The following CDCA4 variants were observed in gnomAD, a reference collection of about 807,000 sequenced individuals.
CDCA4 encodes cell division cycle-associated protein 4.
For missense variants in CDCA4, 294 were observed against 322.1 expected (o/e 0.91, Z 0.67); for synonymous variants, 130 against 137.0 (o/e 0.95, Z 0.36).
Position 105,011,245 on chromosome 14 carries a change from C to G in CDCA4, c.685G>C (p.Gly229Arg), listed in dbSNP as rs150451694. The G allele has an allele frequency of 1.0e-3, 1,618 of 1,613,176 alleles. No homozygotes were observed. The highest frequency in any genetic ancestry group is 1.2e-3 in the Non-Finnish European group (1,443 of 1,179,736). Residue 229 changes from glycine to arginine, a missense_variant, in exon 2 of 2, where the codon GGC becomes CGC. By Grantham distance (125) the Gly-to-Arg change is moderately radical. Transcript: ENST00000336219. ...ATCTCCACCACGTGGTCCAGCTCGC[C>G]CAGGTCGGACTTGCAGCTGGAGCTA... ...GPSSSCKSDL[G>R]ELDHVVEILV...
Position 105,011,553 on chromosome 14 carries a change from A to G in CDCA4, c.377T>C (p.Val126Ala). ...GLGDGHTQGPVSDLCPVTSAQ... is the reference protein window; with the variant it reads ...GLGDGHTQGPASDLCPVTSAQ... ...TGAGGTGACTGGGCAAAGGTCAGAA[A>G]CTGGACCCTGTGTGTGGCCGTCCCC... Residue 126 changes from valine (V) to alanine (A), a missense_variant, in exon 2 of 2, where the codon GTT becomes GCT. By Grantham distance (64) the Val-to-Ala change is moderately conservative. Transcript: ENST00000336219. 6.2e-7 allele frequency: 1 copy of G among 1,614,050 alleles called. No individual in the cohort carries two copies. Among genetic ancestry groups the G allele is most frequent in the African/African-American group, 1.3e-5 (1 of 75,038 alleles).
rs1367027173 is a variant in CDCA4 at position 105,010,908 on chromosome 14, C to T, written c.*296G>A. 12 of 414,834 alleles carry T rather than the reference C, an allele frequency of 2.9e-5. No individual in the cohort carries two copies. The highest frequency in any genetic ancestry group is 1.2e-4 in the Admixed American group (3 of 24,864). The allele number at this position is 414,834 out of a possible 1,614,324, so 25.7% of individuals were successfully genotyped here. ...AGGTAAAAGGAGGTTGATGCAGCTG[C>T]GGCTCACCGTCCTCTACAGTGGGGG... is the stretch of plus-strand genomic sequence containing the variant. On this transcript the variant is annotated 3_prime_UTR_variant, in exon 2 of 2. Transcript: ENST00000336219.
intron 1 of CDCA4, among the ~76,000 whole-genome samples, chr14:105,015,750 C>T (rs541739138): frequency 1.3e-3 from 204 of 152,226 alleles, no homozygotes; most frequent in Non-Finnish European, 1.8e-3. Context: ...CCGCAACCTC[C>T]GCCTCCCAGG....
At chr14:105,016,903 G>C (rs1203506724) in intron 1 of CDCA4, among the ~76,000 whole-genome samples, 2 of 152,234 alleles carry the variant, frequency 1.3e-5, no homozygotes, top group Non-Finnish European at 2.9e-5. Context: ...CCCAGCTGAA[G>C]GGAACTTTTT....
chr14:105,016,552 G>C (rs1199667857), intron 1 of CDCA4, among the ~76,000 whole-genome samples: 1 of 152,224 alleles, frequency 6.6e-6, no homozygotes, highest in African/African-American at 2.4e-5. Flanking sequence ...TGCTGGTAAA[G>C]CTTCCTCTTG....
At position 105,010,290 on chromosome 14, in the gene CDCA4, C is replaced by T. The variant is rs1308423332; in HGVS notation, c.*914G>A. 6.6e-6 allele frequency: 1 copy of T among 152,514 alleles called. No individual in the cohort carries two copies. The highest frequency in any genetic ancestry group is 1.5e-5 in the Non-Finnish European group (1 of 68,062). 9.4% of individuals were successfully genotyped at this position (152,514 alleles called of 1,614,324 possible). A position where few individuals can be genotyped will look rare whatever the true frequency, so the allele number is the denominator to read the frequency against. On this transcript the variant is annotated 3_prime_UTR_variant, in exon 2 of 2. Coordinates refer to ENST00000336219, the MANE Select transcript of CDCA4 (RefSeq NM_017955.4). ...TCATCCAGCAGCAATGCTACTTCCT[C>T]ACCCAGGGCAGGTGCATGGGCTGAC...
intron 1 of CDCA4, among the ~76,000 whole-genome samples, chr14:105,020,142 G>A (rs1325834956): frequency 2.6e-5 from 4 of 152,236 alleles, no homozygotes; most frequent in African/African-American, 7.2e-5. Flanking sequence ...TCCTAGAAAA[G>A]GGGTGTAACT....
chr14:105,017,806 GAAC>G (rs1398898382), intron 1 of CDCA4, among the ~76,000 whole-genome samples: 9 of 151,310 alleles, frequency 5.9e-5, no homozygotes, highest in Non-Finnish European at 1.2e-4. Flanking sequence ...ACTACAGCCT[GAAC>G]AACAGAGCGA....
At chr14:105,017,651 G>A (rs1460028036) in intron 1 of CDCA4, among the ~76,000 whole-genome samples, 1 of 151,924 alleles carries the variant, frequency 6.6e-6, no homozygotes, top group Non-Finnish European at 1.5e-5. Flanking sequence ...CCAACACGAT[G>A]AAACCCCATC....
intron 1 of CDCA4, among the ~76,000 whole-genome samples, chr14:105,020,589 C>T (rs1374822939): frequency 6.6e-6 from 1 of 152,218 alleles, no homozygotes; most frequent in Non-Finnish European, 1.5e-5. Context: ...CGGGCTCCGA[C>T]AGAGGGGGCT....
In CDCA4 at chr14:105,011,170, G is replaced by A. The variant is rs7144401; in HGVS notation, c.*34C>T. ...GGAGCCAGTGCTCACGTGTCAATGC[G>A]TCAGAGGCGGCTGTGAGCACTCAGG... On this transcript the variant is annotated 3_prime_UTR_variant, in exon 2 of 2. Transcript: ENST00000336219. 211,665 of 1,570,618 alleles carry A rather than the reference G, an allele frequency of 0.13. 21,149 individuals are homozygous for A. Among genetic ancestry groups the A allele is most frequent in the African/African-American group, 0.51 (37,488 of 74,122 alleles).
intron 1 of CDCA4, among the ~76,000 whole-genome samples, chr14:105,013,211 T>C (rs1900553563): frequency 6.6e-6 from 1 of 152,154 alleles, no homozygotes; most frequent in African/African-American, 2.4e-5. Flanking sequence ...TTTTTTTTTT[T>C]TTTTAACTGA....
chr14:105,020,883 C>T (rs949141906), intron 1 of CDCA4, 116 bp downstream of exon 1: 2 of 152,040 alleles, frequency 1.3e-5, no homozygotes, highest in Admixed American at 6.6e-5. Context: ...GCCTCCGCCC[C>T]GGACCCAGCG....
chr14:105,017,430 G>C (rs1477781327), intron 1 of CDCA4, among the ~76,000 whole-genome samples: 1 of 152,026 alleles, frequency 6.6e-6, no homozygotes, highest in African/African-American at 2.4e-5. Context: ...CGCCATGTTG[G>C]CCAGGCTGGT....
At chr14:105,019,509 T>C (rs1886170043) in intron 1 of CDCA4, among the ~76,000 whole-genome samples, 1 of 152,232 alleles carries the variant, frequency 6.6e-6, no homozygotes, top group Non-Finnish European at 1.5e-5. Context: ...TTGCAGCCAC[T>C]TCAAAGTTTC....
Position 105,011,125 on chromosome 14 carries a change from C to T in CDCA4, c.*79G>A, listed in dbSNP as rs570416062. 1,174 of 1,480,660 alleles carry T rather than the reference C, an allele frequency of 7.9e-4. 4 individuals carry two copies. Among genetic ancestry groups the T allele is most frequent in the South Asian group, 1.6e-3 (118 of 73,034 alleles). The allele number at this position is 1,480,660 out of a possible 1,614,324, so 91.7% of individuals were successfully genotyped here. The stretch of plus-strand genomic sequence containing the variant: ...CAGGGCAGCAAGGCTGGGCCGCTGG[C>T]GGCAGGCGCACCCTCCGTGGGAGCC... On this transcript the variant is annotated 3_prime_UTR_variant, in exon 2 of 2. Transcript: ENST00000336219.
intron 1 of CDCA4, among the ~76,000 whole-genome samples, chr14:105,016,666 C>A (rs1230168447): frequency 6.6e-6 from 1 of 152,186 alleles, no homozygotes; most frequent in Non-Finnish European, 1.5e-5. Flanking sequence ...CCTGCCAGGA[C>A]CAGACACCCT....
Position 105,011,277 on chromosome 14 carries a change from G to C in CDCA4, c.653C>G (p.Pro218Arg), listed in dbSNP as rs756552406. 1.9e-6 allele frequency: 3 copies of C among 1,613,728 alleles called. No homozygotes were observed. Among genetic ancestry groups the C allele is most frequent in the Non-Finnish European group, 2.5e-6 (3 of 1,179,846 alleles). Residue 218 changes from proline to arginine, a missense_variant, in exon 2 of 2, where the codon CCA becomes CGA. Coordinates refer to ENST00000336219, the MANE Select transcript of CDCA4 (RefSeq NM_017955.4). ...GGACTTGCAGCTGGAGCTAGGGCCT[G>C]GGGTGGCCGGAGCCAAGCCCTCGAG... ...EGLEGLAPAT[P>R]GPSSSCKSDL...
chr14:105,014,611 GTTCT>G (rs1375836432), intron 1 of CDCA4, among the ~76,000 whole-genome samples: 9 of 152,288 alleles, frequency 5.9e-5, no homozygotes, highest in African/African-American at 1.9e-4. Context: ...AAATATTCGA[GTTCT>G]TTGTGTCAGC....
Sources: allele counts gnomAD v4.1 joint callset (sites outside exome capture counted in the v4.1 genomes callset), GRCh38; gene constraint gnomAD v4.1.1; transcripts MANE v1.5; gene names NCBI Gene and HGNC (gene_info 2026-07-23, HGNC 2026-07-21).